ANO4: variants seen among roughly 807,000 people sequenced by gnomAD.
ANO4 encodes the protein anoctamin-4.
ANO4 carries 69 observed loss-of-function variants against 141.9 expected under a neutral mutation model. The ratio of observed to expected loss-of-function variants is 0.49; its 90% CI spans 0.40 to 0.59. The LOEUF (loss-of-function observed/expected upper bound fraction) is 0.59. ANO4 is among the 20% of genes least tolerant of loss of function. The pLI, the probability that ANO4 is intolerant of heterozygous loss-of-function variation, is 0.00. For synonymous variants in ANO4, 350 were observed against 394.3 expected (o/e 0.89, Z 1.33); for missense variants, 894 against 1,162.2 (o/e 0.77, Z 3.36).
intron 4 of ANO4, among the ~76,000 whole-genome samples, chr12:100,940,838 T>C (rs556947574): frequency 6.6e-6 from 1 of 152,302 alleles, no homozygotes; most frequent in South Asian, 2.1e-4. Context: ...GAGCCCATAC[T>C]TGATGGTCTC....
chr12:100,954,625 A>T (rs1429647787), intron 5 of ANO4, among the ~76,000 whole-genome samples: 5 of 152,156 alleles, frequency 3.3e-5, no homozygotes. Flanking sequence ...CAGCCCTCCT[A>T]ACAGGTTGTT....
At chr12:101,021,051 G>A (rs145170582) in intron 9 of ANO4, among the ~76,000 whole-genome samples, 22 of 152,282 alleles carry the variant, frequency 1.4e-4, no homozygotes, top group African/African-American at 4.8e-4. Flanking sequence ...TACAGGAATA[G>A]CAGATGTTAG....
intron 1 of ANO4, among the ~76,000 whole-genome samples, chr12:100,801,126 A>T (rs865930750): frequency 2.3e-4 from 30 of 130,080 alleles, no homozygotes; most frequent in African/African-American, 9.0e-4. Flanking sequence ...TCTCTCTCTC[A>T]AACAGACTTT....
At chr12:100,788,255 G>T (rs763618970) in intron 3 of ANO4, among the ~76,000 whole-genome samples, 2 of 152,180 alleles carry the variant, frequency 1.3e-5, no homozygotes, top group Non-Finnish European at 1.5e-5. Context: ...GTCTTCCCAG[G>T]ATAGACTTGG....
chr12:100,794,820 C>T lies in ANO4; in HGVS notation c.-348C>T, dbSNP rs922280482. On this transcript the variant is annotated 5_prime_UTR_variant, in exon 1 of 28. Coordinates refer to ENST00000392977, the MANE Select transcript of ANO4 (RefSeq NM_001286615.2). ...CTCCGGAGAGTCCTGTTCCAGACTT[C>T]TCAGGGTTTTTACAGCACAAACAAC... 1 of 152,382 alleles carries T rather than the reference C, an allele frequency of 6.6e-6. No homozygotes were observed. The highest frequency in any genetic ancestry group is 1.5e-5 in the Non-Finnish European group (1 of 68,092). 9.4% of individuals were successfully genotyped at this position (152,382 alleles called of 1,614,324 possible).
At chr12:100,726,263 A>G (rs1001353261) in intron 1 of ANO4, among the ~76,000 whole-genome samples, 1 of 152,010 alleles carries the variant, frequency 6.6e-6, no homozygotes, top group African/African-American at 2.4e-5. Context: ...TTTTATTTTT[A>G]AGGCCCTTCT....
At chr12:100,832,482 A>G (rs2135778660) in intron 1 of ANO4, among the ~76,000 whole-genome samples, 1 of 152,224 alleles carries the variant, frequency 6.6e-6, no homozygotes, top group African/African-American at 2.4e-5. Flanking sequence ...ACCCCAATCC[A>G]CCTAGAACCG....
At chr12:100,863,206 T>C (rs1455573089) in intron 1 of ANO4, among the ~76,000 whole-genome samples, 7 of 152,146 alleles carry the variant, frequency 4.6e-5, no homozygotes. Flanking sequence ...ACAGATCTTG[T>C]AGGGCTTTTT....
chr12:100,747,464 T>G (rs1184368368), intron 3 of ANO4, among the ~76,000 whole-genome samples: 8 of 152,190 alleles, frequency 5.3e-5, no homozygotes, highest in Admixed American at 2.6e-4. Context: ...CCATTGGTAA[T>G]CTCCCTGCAT....
At chr12:101,020,228 C>G in intron 9 of ANO4, 88 bp downstream of exon 9, 1 of 874,496 alleles carries the variant, frequency 1.1e-6, no homozygotes, top group Non-Finnish European at 1.8e-6. Context: ...TGTATCAATT[C>G]TAGCAATGCT....
At chr12:101,083,586 G>C in intron 15 of ANO4, 92 bp from the exon 16 acceptor site, 2 of 1,455,576 alleles carry the variant, frequency 1.4e-6, no homozygotes, top group Non-Finnish European at 1.8e-6. Flanking sequence ...GGCAGCTGTT[G>C]ACTCTGTTTT....
At chr12:100,807,657 A>G (rs534086238) in intron 1 of ANO4, among the ~76,000 whole-genome samples, 39 of 152,274 alleles carry the variant, frequency 2.6e-4, no homozygotes, top group African/African-American at 3.9e-4. Flanking sequence ...AGATCAACCT[A>G]TCACCTGGGT....
intron 8 of ANO4, among the ~76,000 whole-genome samples, chr12:101,008,379 T>C (rs2045951843): frequency 1.3e-5 from 2 of 152,190 alleles, no homozygotes; most frequent in South Asian, 2.1e-4. Flanking sequence ...AACTATTTTA[T>C]TATTACTTTG....
In ANO4 at chr12:101,096,712, G is replaced by A. The variant is rs60111835; in HGVS notation, c.1850+65G>A. The A allele has an allele frequency of 5.1e-3, 6,442 of 1,264,686 alleles. 254 individuals are homozygous for A. In the African/African-American group the frequency reaches 0.084, roughly 16 times the overall value. 78.3% of individuals were successfully genotyped at this position (1,264,686 alleles called of 1,614,324 possible). A position where few individuals can be genotyped will look rare whatever the true frequency, so the allele number is the denominator to read the frequency against. On this transcript the variant is annotated intron_variant, in intron 19 of 27. Transcript: ENST00000392977. ...CAGAACACTTAGAAGGCACTGACTC[G>A]TGGGGACAGAGAAGCCCTCCCTTAG...
At chr12:100,741,002 G>A (rs1000665998) in intron 3 of ANO4, among the ~76,000 whole-genome samples, 1 of 152,230 alleles carries the variant, frequency 6.6e-6, no homozygotes, top group African/African-American at 2.4e-5. Context: ...TGGAAGTCAT[G>A]AGTTAAACAG....
chr12:100,985,508 C>A (rs139510230), intron 7 of ANO4, among the ~76,000 whole-genome samples: 28 of 152,154 alleles, frequency 1.8e-4, no homozygotes, highest in African/African-American at 6.7e-4. Context: ...AATCACTTGC[C>A]CAAGGTTTTG....
chr12:100,869,027 C>T (rs1292667983), intron 1 of ANO4, among the ~76,000 whole-genome samples: 1 of 152,224 alleles, frequency 6.6e-6, no homozygotes, highest in East Asian at 1.9e-4. Flanking sequence ...TTCAGTTGAA[C>T]CACATAAACA....
intron 8 of ANO4, among the ~76,000 whole-genome samples, chr12:100,991,757 A>G (rs988372145): frequency 6.6e-6 from 1 of 152,174 alleles, no homozygotes; most frequent in Non-Finnish European, 1.5e-5. Context: ...TCATTTTTGA[A>G]TCCCATAGTA....
intron 1 of ANO4, among the ~76,000 whole-genome samples, chr12:100,871,827 T>G (rs2039051528): frequency 6.6e-6 from 1 of 152,156 alleles, no homozygotes; most frequent in South Asian, 2.1e-4. Context: ...GGGTGGGGGC[T>G]CTGCACTCAT....
Sources: allele counts gnomAD v4.1 joint callset (sites outside exome capture counted in the v4.1 genomes callset), GRCh38; gene constraint gnomAD v4.1.1; transcripts MANE v1.5; gene names NCBI Gene and HGNC (gene_info 2026-07-23, HGNC 2026-07-21).